SLC2A13: variants seen among roughly 807,000 people sequenced by gnomAD.
The protein encoded by SLC2A13 is proton myo-inositol cotransporter.
SLC2A13 carries 32 observed loss-of-function variants against 64.4 expected under a neutral mutation model. That is an observed-to-expected ratio of 0.50 (90% CI 0.37 to 0.67). The LOEUF (loss-of-function observed/expected upper bound fraction) is 0.67. Ranked by LOEUF, SLC2A13 falls within the 30% of genes least tolerant of loss-of-function variation. The pLI is 0.00. For synonymous variants in SLC2A13, 338 were observed against 327.1 expected (o/e 1.03, Z -0.36); for missense variants, 743 against 829.2 (o/e 0.90, Z 1.28).
At chr12:39,884,438 A>G (rs537787871) in intron 4 of SLC2A13, among the ~76,000 whole-genome samples, 4 of 152,352 alleles carry the variant, frequency 2.6e-5, no homozygotes, top group Non-Finnish European at 5.9e-5. Context: ...AACACTACAA[A>G]TAAGTCACAG....
chr12:39,999,813 T>C (rs1001969889), intron 3 of SLC2A13, among the ~76,000 whole-genome samples: 11 of 152,334 alleles, frequency 7.2e-5, no homozygotes, highest in Middle Eastern at 6.8e-3. Context: ...CTTTGAAGCA[T>C]GTGATCTTTG....
intron 4 of SLC2A13, among the ~76,000 whole-genome samples, chr12:39,890,569 A>C (rs1944580009): frequency 6.6e-6 from 1 of 152,224 alleles, no homozygotes; most frequent in African/African-American, 2.4e-5. Context: ...GACCTCTGTC[A>C]GATTTCTGAC....
At chr12:40,104,819 G>A (rs937730225) in intron 1 of SLC2A13, among the ~76,000 whole-genome samples, 1 of 152,148 alleles carries the variant, frequency 6.6e-6, no homozygotes, top group Non-Finnish European at 1.5e-5. Flanking sequence ...TTCCAGGCTG[G>A]GAGCCCCAGA....
chr12:39,946,828 C>G (rs1359803154), intron 4 of SLC2A13, among the ~76,000 whole-genome samples: 2 of 152,228 alleles, frequency 1.3e-5, no homozygotes, highest in Non-Finnish European at 2.9e-5. Context: ...TTCCCCCGGC[C>G]TGTGAAGTAT....
chr12:40,010,666 T>C (rs28370764), intron 3 of SLC2A13, among the ~76,000 whole-genome samples: 3 of 152,366 alleles, frequency 2.0e-5, no homozygotes, highest in African/African-American at 4.8e-5. Context: ...GACATCTTTA[T>C]TGAATCTTTC....
In SLC2A13 at chr12:39,886,768, C is replaced by T. The variant is rs76103788; in HGVS notation, c.1035-14807G>A. Reference sequence around the variant, plus strand: ...CAGAATAGAGAAACAAAAAGAATAACGGCTAATGGTCATTGAGTATTTTCT... The same window carrying T: ...CAGAATAGAGAAACAAAAAGAATAATGGCTAATGGTCATTGAGTATTTTCT... On this transcript the variant is annotated intron_variant, in intron 4 of 9. Coordinates refer to ENST00000280871, the MANE Select transcript of SLC2A13 (RefSeq NM_052885.4). Among the ~76,000 whole-genome samples the T allele has an allele frequency of 1.4e-3, 219 of 152,186 alleles. 1 individual carries two copies. The East Asian group carries it at 0.029, about 20-fold the overall frequency.
chr12:40,028,507 T>C lies in SLC2A13; in HGVS notation c.719A>G (p.Tyr240Cys). Residue 240 changes from tyrosine to cysteine, a missense_variant and splice_region_variant, in exon 3 of 10, where the codon TAC becomes TGC. By Grantham distance (194) the Tyr-to-Cys change is radical. Coordinates refer to ENST00000280871, the MANE Select transcript of SLC2A13 (RefSeq NM_052885.4). The stretch of plus-strand genomic sequence containing the variant: ...CGGAACTGCTGCAAGTCCCAACATG[T>C]ACCTGCAAAGAAAAAAAATCCACAT... ...FSYLQKDGWR[Y>C]MLGLAAVPAV... 2 of 1,612,278 alleles carry C rather than the reference T, an allele frequency of 1.2e-6. No homozygotes were observed. The highest frequency in any genetic ancestry group is 1.1e-5 in the South Asian group (1 of 90,720).
intron 1 of SLC2A13, among the ~76,000 whole-genome samples, chr12:40,049,694 T>C (rs1443707541): frequency 6.6e-6 from 1 of 152,176 alleles, no homozygotes; most frequent in African/African-American, 2.4e-5. Flanking sequence ...CTATTATAAG[T>C]GTATTTTTCC....
intron 4 of SLC2A13, among the ~76,000 whole-genome samples, chr12:39,894,081 G>A (rs1944679993): frequency 6.6e-6 from 1 of 152,142 alleles, no homozygotes; most frequent in Admixed American, 6.5e-5. Flanking sequence ...TTTAATAAAT[G>A]TTTTTGCAAA....
In SLC2A13 at chr12:39,759,802, T is replaced by G; in HGVS notation, c.*224A>C. On this transcript the variant is annotated 3_prime_UTR_variant, in exon 10 of 10. Transcript: ENST00000280871. The stretch of plus-strand genomic sequence containing the variant: ...GCATTACACACATTTGCTTAAGAAT[T>G]ATTAGATTAAAATCTCTGTAAATAT... 1 of 505,726 alleles carries G rather than the reference T, an allele frequency of 2.0e-6. No homozygotes were observed. Among genetic ancestry groups the G allele is most frequent in the Non-Finnish European group, 3.5e-6 (1 of 286,194 alleles). The allele number at this position is 505,726 out of a possible 1,614,324, so 31.3% of individuals were successfully genotyped here. A position where few individuals can be genotyped will look rare whatever the true frequency, so the allele number is the denominator to read the frequency against.
chr12:40,026,350 A>AT (rs1947806174), intron 3 of SLC2A13, among the ~76,000 whole-genome samples: 1 of 152,234 alleles, frequency 6.6e-6, no homozygotes, highest in African/African-American at 2.4e-5. Context: ...AAACTGGGGA[A>AT]TAGGGAATTA....
chr12:40,082,406 T>C (rs1938438375), intron 1 of SLC2A13, among the ~76,000 whole-genome samples: 1 of 152,200 alleles, frequency 6.6e-6, no homozygotes, highest in African/African-American at 2.4e-5. Context: ...TTGTAATCAG[T>C]TACAACTCCT....
chr12:40,005,672 T>C (rs1392119970), intron 3 of SLC2A13, among the ~76,000 whole-genome samples: 1 of 152,202 alleles, frequency 6.6e-6, no homozygotes, highest in African/African-American at 2.4e-5. Context: ...ATCTATGTTT[T>C]AATAGGGTCT....
chr12:39,904,235 G>C (rs1945209676), intron 4 of SLC2A13, among the ~76,000 whole-genome samples: 1 of 152,078 alleles, frequency 6.6e-6, no homozygotes, highest in Non-Finnish European at 1.5e-5. Context: ...CAGTGCCCAG[G>C]GTTTTTACTG....
At chr12:39,974,760 CTAAT>C (rs1946732155) in intron 3 of SLC2A13, among the ~76,000 whole-genome samples, 1 of 152,166 alleles carries the variant, frequency 6.6e-6, no homozygotes, top group East Asian at 1.9e-4. Flanking sequence ...TGCCTGTAAA[CTAAT>C]TGAGAAGTTT....
chr12:40,016,406 A>G (rs894646493), intron 3 of SLC2A13, among the ~76,000 whole-genome samples: 8 of 152,222 alleles, frequency 5.3e-5, no homozygotes, highest in African/African-American at 1.7e-4. Context: ...GTTTCCAATT[A>G]CTTCTCAAAG....
At chr12:39,784,974 ACT>A (rs1266744988) in intron 7 of SLC2A13, among the ~76,000 whole-genome samples, 11 of 152,268 alleles carry the variant, frequency 7.2e-5, no homozygotes, top group Admixed American at 5.9e-4. Flanking sequence ...TGTTAAAAGC[ACT>A]CTGTTTTAAA....
intron 7 of SLC2A13, among the ~76,000 whole-genome samples, chr12:39,769,547 GT>G (rs1451371588): frequency 6.8e-6 from 1 of 146,256 alleles, no homozygotes; most frequent in Non-Finnish European, 1.5e-5. Flanking sequence ...ACATTGTAGG[GT>G]GTAGGCTTCC....
At chr12:39,866,968 T>C (rs868849246) in intron 5 of SLC2A13, among the ~76,000 whole-genome samples, 3 of 152,196 alleles carry the variant, frequency 2.0e-5, no homozygotes, top group South Asian at 2.1e-4. Context: ...AATCACAGTT[T>C]GTTTAACTAC....
Sources: allele counts gnomAD v4.1 joint callset (sites outside exome capture counted in the v4.1 genomes callset), GRCh38; gene constraint gnomAD v4.1.1; transcripts MANE v1.5; gene names NCBI Gene and HGNC (gene_info 2026-07-23, HGNC 2026-07-21).